Variants in DNAAF8 observed in about 807,000 individuals in gnomAD.
DNAAF8 encodes dynein axonemal-associated protein 1.
DNAAF8 carries 61 observed loss-of-function variants against 54.6 expected under a neutral mutation model. The ratio of observed to expected loss-of-function variants is 1.12; its 90% confidence interval spans 0.91 to 1.38. The LOEUF is 1.38. DNAAF8 is among the 40% of genes most tolerant of loss of function. The pLI is 0.00. For missense variants in DNAAF8, 837 were observed against 665.0 expected (o/e 1.26, Z -2.85); for synonymous variants, 320 against 270.1 (o/e 1.18, Z -1.81).
Position 4,746,924 on chromosome 16 carries a change from C to A in DNAAF8, c.1182-3C>A. On this transcript the variant is annotated splice_region_variant and splice_polypyrimidine_tract_variant and intron_variant, in intron 7 of 9. Coordinates refer to ENST00000299320, the MANE Select transcript of DNAAF8 (RefSeq NM_139170.3). ...ATCCAGAAACCCATTTCTCTCCCTGCAGCTCCAGCCACAGCTCCTCTGACA... is the reference window on the plus strand; with the variant it reads ...ATCCAGAAACCCATTTCTCTCCCTGAAGCTCCAGCCACAGCTCCTCTGACA... The A allele has an allele frequency of 1.9e-6, 3 of 1,551,476 alleles. No individual in the cohort carries two copies. Among genetic ancestry groups the A allele is most frequent in the South Asian group, 1.2e-5 (1 of 83,176 alleles).
chr16:4,747,712 T>C, intron 9 of DNAAF8, 78 bp downstream of exon 9: 1 of 1,448,774 alleles, frequency 6.9e-7, no homozygotes, highest in Non-Finnish European at 9.2e-7. Context: ...TTGTTGTTCC[T>C]GCATTTCCAC....
chr16:4,735,673 G>T (rs1316400533), intron 1 of DNAAF8, among the ~76,000 whole-genome samples: 1 of 151,794 alleles, frequency 6.6e-6, no homozygotes. Context: ...ACTCCAAACT[G>T]TCAGCCAGGC....
rs1308024414 is a variant in DNAAF8 at position 4,734,578 on chromosome 16, A to C, written c.-172A>C. On this transcript the variant is annotated 5_prime_UTR_variant, in exon 1 of 10. Coordinates refer to ENST00000299320, the MANE Select transcript of DNAAF8 (RefSeq NM_139170.3). Reference sequence around the variant, plus strand: ...GCTCCGCTGAGAGGGAGAGTGCTGAAGAAGGGGACAGCCTCTGTACCTGCG... The same window carrying C: ...GCTCCGCTGAGAGGGAGAGTGCTGACGAAGGGGACAGCCTCTGTACCTGCG... 1 of 152,250 alleles carries C rather than the reference A, an allele frequency of 6.6e-6. No homozygotes were observed. Among genetic ancestry groups the C allele is most frequent in the African/African-American group, 2.4e-5 (1 of 41,432 alleles). The allele number at this position is 152,250 out of a possible 1,614,324, so 9.4% of individuals were successfully genotyped here.
At chr16:4,738,874 A>G (rs1050991724) in intron 3 of DNAAF8, among the ~76,000 whole-genome samples, 1 of 152,072 alleles carries the variant, frequency 6.6e-6, no homozygotes, top group Non-Finnish European at 1.5e-5. Flanking sequence ...CAACAGAGTG[A>G]GACTCCATCT....
At chr16:4,734,933 A>T (rs896410191) in intron 1 of DNAAF8, 1 of 151,934 alleles carries the variant, frequency 6.6e-6, no homozygotes, top group Non-Finnish European at 1.5e-5. Flanking sequence ...CGGGGCTAAC[A>T]GGCTGCAGCT....
chr16:4,738,504 G>A (rs182211791), intron 3 of DNAAF8, among the ~76,000 whole-genome samples: 2 of 152,324 alleles, frequency 1.3e-5, no homozygotes, highest in East Asian at 1.9e-4. Context: ...GCGTGCCAAC[G>A]CAGGCCTGTG....
In DNAAF8 at chr16:4,747,609, C is replaced by A; in HGVS notation, c.1547C>A (p.Pro516His). Residue 516 changes from proline (P) to histidine (H), a missense_variant, in exon 9 of 10, where the codon CCT becomes CAT. Coordinates refer to ENST00000299320, the MANE Select transcript of DNAAF8 (RefSeq NM_139170.3). ...PGAAREALMP[P>H]LEQL is the part of the protein sequence containing the mutation. ...GCAGCCAGGGAGGCCCTGATGCCTC[C>A]TCTGGAGCAACTATAGCTGCCTCAG... 6.2e-7 allele frequency: 1 copy of A among 1,607,654 alleles called. No individual in the cohort carries two copies. Among genetic ancestry groups the A allele is most frequent in the Non-Finnish European group, 8.5e-7 (1 of 1,177,432 alleles).
In DNAAF8 at chr16:4,737,895, T is replaced by C. The variant is rs1293416068; in HGVS notation, c.225T>C (p.Asp75=). The stretch of plus-strand genomic sequence containing the variant: ...AGGAGCTGGCTGAAGATCCTGCCGA[T>C]GGCGACAAGTCCAGGGCCTGGGTCG... ...LSEELAEDPA[D]GDKSRAWVAA... The change falls in exon 3 of 10, where the codon GAT becomes GAC. Residue 75 remains aspartate, a synonymous_variant. Coordinates refer to ENST00000299320, the MANE Select transcript of DNAAF8 (RefSeq NM_139170.3). 3 of 1,614,204 alleles carry C rather than the reference T, an allele frequency of 1.9e-6. No individual in the cohort carries two copies. The highest frequency in any genetic ancestry group is 2.5e-6 in the Non-Finnish European group (3 of 1,180,030).
At chr16:4,737,755 C>G (rs1304803131) in intron 2 of DNAAF8, 45 bp from the exon 3 acceptor site, 17 of 1,607,908 alleles carry the variant, frequency 1.1e-5, no homozygotes, top group Non-Finnish European at 1.4e-5. Context: ...CCTCAGGGCT[C>G]TGCCTGCTGC....
chr16:4,741,689 T>C (rs4238851), intron 4 of DNAAF8, among the ~76,000 whole-genome samples: 84,139 of 151,884 alleles, frequency 0.55, 23,889 homozygotes, highest in East Asian at 0.68. Flanking sequence ...AGTCCCACTA[T>C]TTGGGAGGCT....
chr16:4,746,823 T>C, intron 7 of DNAAF8, 104 bp from the exon 8 acceptor site: 1 of 1,100,646 alleles, frequency 9.1e-7, no homozygotes. Context: ...GCTGCTGACC[T>C]CTTGCATTGG....
At position 4,737,898 on chromosome 16, in the gene DNAAF8, C is replaced by CGACAAGTCCAGGGCCTGGGT. The variant is rs1567495022; in HGVS notation, c.229_248dup (p.Ala84ThrfsTer118). ...AGCTGGCTGAAGATCCTGCCGATGG[C>CGACAAGTCCAGGGCCTGGGT]GACAAGTCCAGGGCCTGGGTCGCTG... On this transcript the variant is annotated frameshift_variant, in exon 3 of 10. Coordinates refer to ENST00000299320, the MANE Select transcript of DNAAF8 (RefSeq NM_139170.3). LOFTEE classifies it high-confidence loss of function. The CGACAAGTCCAGGGCCTGGGT allele has an allele frequency of 2.5e-6, 4 of 1,614,194 alleles. No individual in the cohort carries two copies. Among genetic ancestry groups the CGACAAGTCCAGGGCCTGGGT allele is most frequent in the Non-Finnish European group, 3.4e-6 (4 of 1,180,024 alleles).
rs754045501 is a variant in DNAAF8, at chr16:4,744,939, A to T, written c.971A>T (p.Lys324Met). The change falls in exon 6 of 10, where the codon AAG (lysine) becomes ATG (methionine). Residue 324 changes from lysine to methionine, a missense_variant. Coordinates refer to ENST00000299320, the MANE Select transcript of DNAAF8 (RefSeq NM_139170.3). ...GCCCTCCTGTGCACCACGCAGTCCA[A>T]GGCCTCTGCTTGTGCCCGGAAGGTG... Reference protein sequence around the residue: ...QLALLCTTQSKASACARKVPA... With the variant: ...QLALLCTTQSMASACARKVPA... 6.2e-7 allele frequency: 1 copy of T among 1,613,912 alleles called. No individual in the cohort carries two copies. Among genetic ancestry groups the T allele is most frequent in the African/African-American group, 1.3e-5 (1 of 75,050 alleles).
At position 4,746,422 on chromosome 16, in the gene DNAAF8, T is replaced by G. The variant is rs1428088110; in HGVS notation, c.1091T>G (p.Leu364Arg). Residue 364 changes from leucine to arginine, a missense_variant, in exon 7 of 10, where the codon CTG (leucine) becomes CGG (arginine). Leu to Arg is a moderately radical substitution (Grantham distance 102). Transcript: ENST00000299320. ...QGSQAGPGPQLAQGMRLNAES... is the reference protein window; with the variant it reads ...QGSQAGPGPQRAQGMRLNAES... The stretch of plus-strand genomic sequence containing the variant: ...TCCCAGGCTGGGCCAGGCCCGCAGC[T>G]GGCCCAGGGCATGAGGCTTAACGCA... 2 of 1,613,464 alleles carry G rather than the reference T, an allele frequency of 1.2e-6. No homozygotes were observed. Among genetic ancestry groups the G allele is most frequent in the Non-Finnish European group, 1.7e-6 (2 of 1,179,720 alleles).
Position 4,736,539 on chromosome 16 carries a change from G to C in DNAAF8, c.25G>C (p.Ala9Pro), listed in dbSNP as rs760060635. MASNDKGM[A>P]PSLGSPWASQ... ...CATGGCATCCAACGATAAAGGCATG[G>C]CACCCTCGCTGGGCTCTCCCTGGGC... Residue 9 changes from alanine to proline, a missense_variant, in exon 2 of 10, where the codon GCA becomes CCA. Coordinates refer to ENST00000299320, the MANE Select transcript of DNAAF8 (RefSeq NM_139170.3). 1.3e-5 allele frequency: 20 copies of C among 1,567,518 alleles called. No individual in the cohort carries two copies. The highest frequency in any genetic ancestry group is 1.7e-4 in the Middle Eastern group (1 of 5,910).
chr16:4,740,343 T>C lies in DNAAF8; in HGVS notation c.467T>C (p.Phe156Ser). ...WLEGDLGSLSFNTKGSQGPPW... is the reference protein window; with the variant it reads ...WLEGDLGSLSSNTKGSQGPPW... ...GAAGGCGACCTTGGAAGCCTGTCTTTCAACACCAAAGGATCCCAGGGTCCT... is the reference window on the plus strand; with the variant it reads ...GAAGGCGACCTTGGAAGCCTGTCTTCCAACACCAAAGGATCCCAGGGTCCT... Residue 156 changes from phenylalanine (F) to serine (S), a missense_variant, in exon 4 of 10, where the codon TTC (phenylalanine) becomes TCC (serine). Transcript: ENST00000299320. 1 of 1,613,830 alleles carries C rather than the reference T, an allele frequency of 6.2e-7. No individual in the cohort carries two copies. Among genetic ancestry groups the C allele is most frequent in the South Asian group, 1.1e-5 (1 of 91,080 alleles).
At chr16:4,739,737 G>A (rs1596482667) in intron 3 of DNAAF8, among the ~76,000 whole-genome samples, 1 of 151,666 alleles carries the variant, frequency 6.6e-6, no homozygotes, top group South Asian at 2.1e-4. Context: ...GTAGAATGAA[G>A]TGTGCAGTTA....
chr16:4,740,505 A>T lies in DNAAF8; in HGVS notation c.629A>T (p.Asp210Val), dbSNP rs775192461. The T allele has an allele frequency of 2.5e-6, 4 of 1,614,028 alleles. No individual in the cohort carries two copies. The highest frequency in any genetic ancestry group is 3.4e-6 in the Non-Finnish European group (4 of 1,180,028). ...RQERRKMIET[D>V]ILQKVTRDAC... Reference sequence around the variant, plus strand: ...GAGAGAAGGAAGATGATAGAGACGGACATCCTCCAGAAAGTCACCCGGGAT... The same window carrying T: ...GAGAGAAGGAAGATGATAGAGACGGTCATCCTCCAGAAAGTCACCCGGGAT... Residue 210 changes from aspartate (D) to valine (V), a missense_variant, in exon 4 of 10, where the codon GAC becomes GTC. By Grantham distance (152) the Asp-to-Val change is radical. Transcript: ENST00000299320.
chr16:4,737,694 C>T (rs928587190), intron 2 of DNAAF8, 106 bp from the exon 3 acceptor site: 40 of 1,374,910 alleles, frequency 2.9e-5, no homozygotes, highest in African/African-American at 1.6e-4. Context: ...ATGGGCTGGG[C>T]GGGCTGGGCT....
Sources: allele counts gnomAD v4.1 joint callset (sites outside exome capture counted in the v4.1 genomes callset), GRCh38; gene constraint gnomAD v4.1.1; transcripts MANE v1.5; gene names NCBI Gene and HGNC (gene_info 2026-07-23, HGNC 2026-07-21).